Variants in ATR observed in about 807,000 individuals in gnomAD.
ATR encodes the protein serine/threonine-protein kinase ATR.
In ATR, 142 loss-of-function variants were observed where a neutral mutation model predicts 305.3. That is an observed-to-expected ratio of 0.47 (90% CI 0.41 to 0.53). The LOEUF (loss-of-function observed/expected upper bound fraction) is 0.53. Ranked by LOEUF, ATR falls within the 20% of genes least tolerant of loss-of-function variation. The pLI is 0.00. For missense variants in ATR, 2,135 were observed against 3,133.1 expected, an observed-to-expected ratio of 0.68 and a Z score of 7.60; for synonymous variants, 1,050 against 1,068.1, an observed-to-expected ratio of 0.98 and a Z score of 0.33.
rs1577491637 is a variant in ATR at position 142,455,108 on chromosome 3, T to C, written c.7656-1875A>G. ...TATCAATATATAAATATCAATTATA[T>C]ATCTATGCACTAGCAATGAACAATC... On this transcript the variant is annotated intron_variant, in intron 45 of 46. Coordinates refer to ENST00000350721, the MANE Select transcript of ATR (RefSeq NM_001184.4). Among the ~76,000 whole-genome samples the C allele has an allele frequency of 2.0e-5, 3 of 152,282 alleles. No individual in the cohort carries two copies. In the South Asian group the frequency reaches 6.2e-4, roughly 32 times the overall value.
chr3:142,457,098 A>C (rs530129551), intron 45 of ATR, among the ~76,000 whole-genome samples: 1 of 152,242 alleles, frequency 6.6e-6, no homozygotes, highest in Admixed American at 6.5e-5. Context: ...GTATATCCAT[A>C]TAACAGGATA....
chr3:142,451,203 A>C (rs1218587574), intron 46 of ATR: 2 of 1,186,714 alleles, frequency 1.7e-6, no homozygotes, highest in African/African-American at 1.6e-5. Context: ...ATCGAGGTGC[A>C]GTACCACCTG....
intron 36 of ATR, among the ~76,000 whole-genome samples, chr3:142,471,463 A>C (rs2108282628): frequency 6.6e-6 from 1 of 152,318 alleles, no homozygotes; most frequent in South Asian, 2.1e-4. Context: ...ATGACATAGA[A>C]TTGCATTTAC....
At chr3:142,476,159 A>C (rs930869765) in intron 36 of ATR, among the ~76,000 whole-genome samples, 1 of 152,176 alleles carries the variant, frequency 6.6e-6, no homozygotes, top group African/African-American at 2.4e-5. Context: ...TTAGACATGA[A>C]GTCCTTGCCC....
chr3:142,451,543 G>C (rs560808389), intron 46 of ATR: 2 of 1,361,646 alleles, frequency 1.5e-6, no homozygotes, highest in Non-Finnish European at 9.6e-7. Flanking sequence ...CCTATATCCA[G>C]AGTGGGCACT....
intron 21 of ATR, among the ~76,000 whole-genome samples, chr3:142,525,796 T>C (rs1457101239): frequency 6.6e-6 from 1 of 152,174 alleles, no homozygotes; most frequent in Non-Finnish European, 1.5e-5. Flanking sequence ...CACCATGTGA[T>C]ATGCCAACTC....
intron 1 of ATR, among the ~76,000 whole-genome samples, chr3:142,572,705 G>A (rs890438103): frequency 6.6e-6 from 1 of 151,970 alleles, no homozygotes; most frequent in Non-Finnish European, 1.5e-5. Flanking sequence ...AGCCTGGGAG[G>A]CTACAGTGAG....
chr3:142,556,291 A>T, intron 9 of ATR, 92 bp downstream of exon 9: 1 of 1,496,590 alleles, frequency 6.7e-7, no homozygotes, highest in Non-Finnish European at 9.2e-7. Context: ...TGCTTTACAT[A>T]TTCAACAATA....
At chr3:142,545,114 G>A (rs543376448) in intron 16 of ATR, among the ~76,000 whole-genome samples, 20 of 152,262 alleles carry the variant, frequency 1.3e-4, no homozygotes, top group South Asian at 2.1e-4. Context: ...TACTTATTAT[G>A]TATGCCTAGA....
intron 4 of ATR, 111 bp downstream of exon 4, chr3:142,562,121 A>G (rs2034903544): frequency 8.5e-7 from 1 of 1,173,978 alleles, no homozygotes; most frequent in African/African-American, 1.6e-5. Context: ...TTCCAAATAT[A>G]AATTACTATT....
intron 40 of ATR, chr3:142,465,460 T>G: frequency 3.2e-6 from 1 of 311,708 alleles, no homozygotes; most frequent in Non-Finnish European, 5.8e-6. Context: ...AAAATAGCTA[T>G]GACATAAAAA....
Position 142,540,944 on chromosome 3 carries a change from C to T in ATR, c.3541G>A (p.Gly1181Ser), listed in dbSNP as rs756014190. The T allele has an allele frequency of 1.2e-6, 2 of 1,613,392 alleles. No individual in the cohort carries two copies. Among genetic ancestry groups the T allele is most frequent in the Non-Finnish European group, 8.5e-7 (1 of 1,179,704 alleles). The change falls in exon 18 of 47, where the codon GGC becomes AGC. Residue 1181 changes from glycine (G) to serine (S), a missense_variant. Gly to Ser is a moderately conservative substitution (Grantham distance 56). This residue lies in a region of ATR where 530 missense variants were observed against 766.8 expected (regional missense o/e 0.69). Coordinates refer to ENST00000350721, the MANE Select transcript of ATR (RefSeq NM_001184.4). ...RVKMMTTLRT[G>S]LRFKDDFPEL... is the part of the protein sequence containing the mutation. ...GGAAAATCATCCTTGAATCGAAGGCCAGTTCTCAGTGTGGTCATCATCTTC... is the reference window on the plus strand; with the variant it reads ...GGAAAATCATCCTTGAATCGAAGGCTAGTTCTCAGTGTGGTCATCATCTTC...
intron 7 of ATR, 127 bp from the exon 8 acceptor site, chr3:142,558,903 G>T: frequency 1.0e-6 from 1 of 998,074 alleles, no homozygotes. Context: ...TTAACACAGA[G>T]ATCTATAAAC....
intron 24 of ATR, among the ~76,000 whole-genome samples, chr3:142,515,941 A>C (rs1455590789): frequency 6.6e-6 from 1 of 152,200 alleles, no homozygotes; most frequent in Admixed American, 6.5e-5. Flanking sequence ...TAGCTGGAGC[A>C]CTTAATCAAG....
At chr3:142,519,197 C>A (rs1032845439) in intron 24 of ATR, among the ~76,000 whole-genome samples, 2 of 152,046 alleles carry the variant, frequency 1.3e-5, no homozygotes, top group African/African-American at 4.8e-5. Flanking sequence ...GAGCAGACTG[C>A]ACTTCTCATC....
At chr3:142,467,824 G>A in intron 39 of ATR, 110 bp downstream of exon 39, 6 of 1,287,722 alleles carry the variant, frequency 4.7e-6, no homozygotes, top group Non-Finnish European at 6.4e-6. Context: ...TGATATATGT[G>A]TACACCTATA....
chr3:142,451,186 G>A (rs958433704), intron 46 of ATR: 2 of 1,184,898 alleles, frequency 1.7e-6, no homozygotes, highest in Admixed American at 7.4e-5. Flanking sequence ...ACTTCAACTT[G>A]TTGGGGATCG....
intron 45 of ATR, among the ~76,000 whole-genome samples, chr3:142,456,385 TG>T (rs1378263080): frequency 6.6e-6 from 1 of 152,118 alleles, no homozygotes; most frequent in Non-Finnish European, 1.5e-5. Context: ...CTGGCCAACG[TG>T]GTAAAACCCA....
intron 30 of ATR, among the ~76,000 whole-genome samples, chr3:142,501,790 G>A (rs1042453853): frequency 3.3e-5 from 5 of 152,130 alleles, no homozygotes; most frequent in African/African-American, 1.2e-4. Context: ...TGCTGCCCAG[G>A]CTGGAGTGCA....
Sources: allele counts gnomAD v4.1 joint callset (sites outside exome capture counted in the v4.1 genomes callset), GRCh38; gene constraint gnomAD v4.1.1; regional missense constraint gnomAD v4.1.1; transcripts MANE v1.5; gene names NCBI Gene and HGNC (gene_info 2026-07-23, HGNC 2026-07-21).